The following CADM2 variants were observed in gnomAD, a reference collection of about 807,000 sequenced individuals.
CADM2 encodes immunoglobulin superfamily member 4D.
A neutral mutation model predicts 49.8 loss-of-function variants in CADM2; 12 were observed. That is an observed-to-expected ratio of 0.24 (90% CI 0.15 to 0.39). CADM2 has a LOEUF of 0.39. CADM2 is among the 10% of genes least tolerant of loss of function. The probability of loss-of-function intolerance (pLI) is 1.00; values close to 1 mark genes in which losing one functional copy is unlikely to be tolerated. For missense variants in CADM2, 378 were observed against 492.3 expected (o/e 0.77, Z 2.20); for synonymous variants, 214 against 175.4 (o/e 1.22, Z -1.74).
rs544194482 is a variant in CADM2 at position 85,260,960 on chromosome 3, G to A, written c.61+301292G>A. On this transcript the variant is annotated intron_variant, in intron 1 of 9. Coordinates refer to ENST00000383699, the MANE Select transcript of CADM2 (RefSeq NM_001167675.2). ...TCTTACAATTAGCCGTGACTCCTGC[G>A]CTCCAGTTTGAGTAACTGGAAAGAA... Among the ~76,000 whole-genome samples the A allele has an allele frequency of 2.4e-4, 37 of 152,076 alleles. 1 individual carries two copies. Among genetic ancestry groups the A allele is most frequent in the African/African-American group, 6.3e-4 (26 of 41,492 alleles).
At chr3:85,021,646 G>T (rs922949292) in intron 1 of CADM2, among the ~76,000 whole-genome samples, 2 of 152,002 alleles carry the variant, frequency 1.3e-5, no homozygotes, top group Non-Finnish European at 2.9e-5. Context: ...GTGGTGGTGG[G>T]TGCTTGTAAT....
At chr3:85,511,458 G>A (rs1015366412) in intron 1 of CADM2, among the ~76,000 whole-genome samples, 5 of 152,070 alleles carry the variant, frequency 3.3e-5, no homozygotes, top group African/African-American at 1.2e-4. Flanking sequence ...GAAAGTAAAT[G>A]TGGATAGTAT....
intron 1 of CADM2, among the ~76,000 whole-genome samples, chr3:85,401,152 G>T (rs531385404): frequency 6.6e-6 from 1 of 152,282 alleles, no homozygotes; most frequent in East Asian, 1.9e-4. Context: ...TGGACCAGAA[G>T]CTCTGTTTAC....
chr3:85,942,473 A>C (rs1018866366), intron 7 of CADM2, among the ~76,000 whole-genome samples: 2 of 138,342 alleles, frequency 1.4e-5, no homozygotes, highest in Admixed American at 1.4e-4. Flanking sequence ...TCCCAGTGCT[A>C]TCCCTCCCCC....
intron 1 of CADM2, among the ~76,000 whole-genome samples, chr3:85,249,275 A>G (rs772572898): frequency 9.2e-5 from 14 of 152,078 alleles, no homozygotes; most frequent in Admixed American, 2.0e-4. Context: ...ATCCTTGCTA[A>G]TTTTAGTTAG....
intron 3 of CADM2, among the ~76,000 whole-genome samples, chr3:85,831,343 A>G (rs1282147380): frequency 6.6e-6 from 1 of 151,988 alleles, no homozygotes; most frequent in East Asian, 1.9e-4. Flanking sequence ...TCAGATACAT[A>G]CCCAGTAATG....
chr3:84,979,729 T>TC (rs1319950481), intron 1 of CADM2, among the ~76,000 whole-genome samples: 1 of 151,830 alleles, frequency 6.6e-6, no homozygotes, highest in Non-Finnish European at 1.5e-5. Flanking sequence ...ACTCTAAGAG[T>TC]CCTTTAGATT....
intron 1 of CADM2, among the ~76,000 whole-genome samples, chr3:85,026,619 A>G (rs914121206): frequency 6.6e-6 from 1 of 152,170 alleles, no homozygotes; most frequent in Non-Finnish European, 1.5e-5. Context: ...TTTAAGAGAA[A>G]TTGAGAACAA....
intron 1 of CADM2, among the ~76,000 whole-genome samples, chr3:85,684,735 A>C (rs147817873): frequency 6.6e-6 from 1 of 152,328 alleles, no homozygotes; most frequent in East Asian, 1.9e-4. Flanking sequence ...AACCCCTTAT[A>C]AAATCATCAG....
intron 5 of CADM2, among the ~76,000 whole-genome samples, chr3:85,896,801 C>T (rs531533462): frequency 3.4e-4 from 52 of 152,246 alleles, no homozygotes; most frequent in African/African-American, 1.2e-3. Flanking sequence ...CTGTAAGCTG[C>T]TTATATCGGC....
chr3:85,432,778 C>T (rs2107525614), intron 1 of CADM2, among the ~76,000 whole-genome samples: 1 of 152,130 alleles, frequency 6.6e-6, no homozygotes, highest in South Asian at 2.1e-4. Flanking sequence ...ATTTTGCATT[C>T]CATTCTCATA....
intron 2 of CADM2, among the ~76,000 whole-genome samples, chr3:85,779,005 G>C (rs937135352): frequency 1.2e-4 from 18 of 152,148 alleles, no homozygotes; most frequent in Non-Finnish European, 2.4e-4. Context: ...TTTAAGACAA[G>C]GAGACTTAGG....
intron 1 of CADM2, among the ~76,000 whole-genome samples, chr3:85,692,360 G>A (rs933134137): frequency 6.6e-6 from 1 of 152,054 alleles, no homozygotes; most frequent in Non-Finnish European, 1.5e-5. Flanking sequence ...TAGCAAATCC[G>A]TATATATTAA....
intron 1 of CADM2, among the ~76,000 whole-genome samples, chr3:85,643,555 G>A (rs1293488650): frequency 2.6e-5 from 4 of 152,060 alleles, no homozygotes; most frequent in Admixed American, 2.6e-4. Flanking sequence ...TGAAATTACA[G>A]TTTATTCAGT....
intron 2 of CADM2, among the ~76,000 whole-genome samples, chr3:85,749,887 G>A (rs1238735498): frequency 6.6e-6 from 1 of 151,898 alleles, no homozygotes; most frequent in Non-Finnish European, 1.5e-5. Context: ...CAGTATTTTT[G>A]TTGTTATTGT....
At chr3:85,288,532 C>A (rs1445495514) in intron 1 of CADM2, among the ~76,000 whole-genome samples, 2 of 151,750 alleles carry the variant, frequency 1.3e-5, no homozygotes, top group East Asian at 1.9e-4. Flanking sequence ...TTGCTAAATT[C>A]ATTTATTCTT....
intron 1 of CADM2, among the ~76,000 whole-genome samples, chr3:85,653,918 A>T (rs1056376615): frequency 6.6e-6 from 1 of 152,252 alleles, no homozygotes; most frequent in Non-Finnish European, 1.5e-5. Flanking sequence ...CACCAGTTTC[A>T]AAAGTCAAAT....
At chr3:85,357,200 A>G (rs2031939899) in intron 1 of CADM2, among the ~76,000 whole-genome samples, 1 of 152,256 alleles carries the variant, frequency 6.6e-6, no homozygotes, top group African/African-American at 2.4e-5. Context: ...TGGCTTGTCA[A>G]CACTCCATCG....
chr3:85,002,558 A>T (rs17022255), intron 1 of CADM2, among the ~76,000 whole-genome samples: 8,570 of 152,216 alleles, frequency 0.056, 844 homozygotes, highest in African/African-American at 0.19. Flanking sequence ...ATTACTTAGA[A>T]AACAACTTGC....
Sources: allele counts gnomAD v4.1 joint callset (sites outside exome capture counted in the v4.1 genomes callset), GRCh38; gene constraint gnomAD v4.1.1; transcripts MANE v1.5; gene names NCBI Gene and HGNC (gene_info 2026-07-23, HGNC 2026-07-21).